MYRIP: variants seen among roughly 807,000 people sequenced by gnomAD.
The protein encoded by MYRIP is myosin VIIA and Rab interacting protein.
MYRIP carries 49 observed loss-of-function variants against 98.0 expected under a neutral mutation model. The ratio of observed to expected loss-of-function variants is 0.50; its 90% CI spans 0.40 to 0.63. MYRIP has a LOEUF of 0.63. Among genes scored for constraint, MYRIP ranks in the 30% least tolerant of loss-of-function variants. MYRIP has a pLI of 0.00. For missense variants in MYRIP, 1,004 were observed against 1,058.2 expected, an observed-to-expected ratio of 0.95 and a Z score of 0.71; for synonymous variants, 404 against 409.5, an observed-to-expected ratio of 0.99 and a Z score of 0.16.
At chr3:39,810,436 C>G (rs942622632) in intron 1 of MYRIP, 1 of 152,756 alleles carries the variant, frequency 6.5e-6, no homozygotes, top group Non-Finnish European at 1.5e-5. Flanking sequence ...GTCTGGCCCT[C>G]GCCCGCGGGC....
At chr3:40,113,884 T>A (rs1949214228) in intron 3 of MYRIP, among the ~76,000 whole-genome samples, 1 of 151,826 alleles carries the variant, frequency 6.6e-6, no homozygotes, top group Admixed American at 6.6e-5. Flanking sequence ...AGAGACAGGG[T>A]TTCACCATGT....
At chr3:40,023,875 G>C (rs968127695) in intron 2 of MYRIP, among the ~76,000 whole-genome samples, 1 of 152,178 alleles carries the variant, frequency 6.6e-6, no homozygotes, top group African/African-American at 2.4e-5. Context: ...ATAATATGTA[G>C]TGTGTGCCCA....
At chr3:40,012,367 G>A (rs977590598) in intron 2 of MYRIP, among the ~76,000 whole-genome samples, 2 of 152,194 alleles carry the variant, frequency 1.3e-5, no homozygotes, top group Middle Eastern at 3.2e-3. Flanking sequence ...AAATAGTTAA[G>A]TATATTAAAA....
chr3:40,182,770 CA>C (rs1684316001), intron 9 of MYRIP, among the ~76,000 whole-genome samples: 1 of 152,212 alleles, frequency 6.6e-6, no homozygotes, highest in Non-Finnish European at 1.5e-5. Flanking sequence ...ACCAACCTCT[CA>C]TGGCATTTCA....
chr3:40,203,480 A>G (rs1172301186), intron 10 of MYRIP, among the ~76,000 whole-genome samples: 3 of 151,526 alleles, frequency 2.0e-5, no homozygotes, highest in Admixed American at 6.6e-5. Context: ...TAGGTGATCA[A>G]TGAGATGAAA....
At chr3:39,844,813 C>T (rs1046428950) in intron 1 of MYRIP, among the ~76,000 whole-genome samples, 18 of 152,166 alleles carry the variant, frequency 1.2e-4, no homozygotes, top group Non-Finnish European at 1.8e-4. Context: ...AAAGGTCCAG[C>T]GTAGCATCTC....
intron 3 of MYRIP, among the ~76,000 whole-genome samples, chr3:40,130,421 A>T (rs1949612561): frequency 7.0e-6 from 1 of 141,870 alleles, no homozygotes; most frequent in African/African-American, 2.7e-5. Flanking sequence ...TCTGTGGCCC[A>T]GGCGGGAGTG....
intron 1 of MYRIP, among the ~76,000 whole-genome samples, chr3:39,857,802 T>G (rs1942350176): frequency 6.6e-6 from 1 of 152,146 alleles, no homozygotes. Context: ...AAAATTAAAT[T>G]GTTATAAGCT....
chr3:40,044,119 G>A lies in MYRIP; in HGVS notation c.180G>A (p.Val60=), dbSNP rs139564205. 50 of 1,614,032 alleles carry A rather than the reference G, an allele frequency of 3.1e-5. No homozygotes were observed. Among genetic ancestry groups the A allele is most frequent in the Non-Finnish European group, 4.1e-5 (48 of 1,180,042 alleles). ...CSILSKHQQF[V]EHCCMRCCSP... is the part of the protein sequence containing the mutation. ...TCCTCTCGAAGCACCAGCAGTTTGT[G>A]GAGCACTGCTGCATGCGCTGCTGCT... Residue 60 remains valine, a synonymous_variant, in exon 3 of 17, where the codon GTG becomes GTA. Transcript: ENST00000302541.
intron 4 of MYRIP, 85 bp from the exon 5 acceptor site, chr3:40,162,645 C>A: frequency 1.7e-6 from 2 of 1,196,572 alleles, no homozygotes; most frequent in East Asian, 2.3e-5. Context: ...TAGTGGTCTG[C>A]CAGTTCAGTG....
chr3:39,943,306 T>C (rs746982870), intron 2 of MYRIP, among the ~76,000 whole-genome samples: 3 of 152,178 alleles, frequency 2.0e-5, no homozygotes, highest in Non-Finnish European at 4.4e-5. Context: ...ATTATTAAAG[T>C]TTTATGATGA....
At chr3:40,210,718 ACTC>A (rs1951905560) in intron 11 of MYRIP, among the ~76,000 whole-genome samples, 1 of 151,584 alleles carries the variant, frequency 6.6e-6, no homozygotes, top group South Asian at 2.1e-4. Context: ...TCAGACCCAC[ACTC>A]CTCCTCCCCT....
chr3:39,940,599 T>C (rs1344165169), intron 2 of MYRIP, among the ~76,000 whole-genome samples: 1 of 152,146 alleles, frequency 6.6e-6, no homozygotes, highest in Non-Finnish European at 1.5e-5. Context: ...TCTTCACTTA[T>C]CTTAATGGAG....
intron 2 of MYRIP, among the ~76,000 whole-genome samples, chr3:39,931,290 A>G (rs76814985): frequency 6.6e-6 from 1 of 151,720 alleles, no homozygotes; most frequent in African/African-American, 2.4e-5. Context: ...TTTTCTTTCA[A>G]TAATATTGTA....
intron 2 of MYRIP, among the ~76,000 whole-genome samples, chr3:39,975,558 C>G (rs1356291256): frequency 6.6e-6 from 1 of 152,006 alleles, no homozygotes; most frequent in Non-Finnish European, 1.5e-5. Context: ...CTTTAAAGTT[C>G]ATATGGAACC....
chr3:39,927,719 C>T (rs1041308236), intron 2 of MYRIP, among the ~76,000 whole-genome samples: 1 of 151,990 alleles, frequency 6.6e-6, no homozygotes, highest in African/African-American at 2.4e-5. Context: ...GATACCAAAA[C>T]CTGGCAAAGA....
rs113376391 is a variant in MYRIP at position 39,883,934 on chromosome 3, A to G, written c.-30-16853A>G. Among the ~76,000 whole-genome samples, 11 of 152,238 alleles carry G rather than the reference A, an allele frequency of 7.2e-5. 1 individual carries two copies. Among genetic ancestry groups the G allele is most frequent in the African/African-American group, 2.4e-4 (10 of 41,556 alleles). On this transcript the variant is annotated intron_variant, in intron 1 of 16. Coordinates refer to ENST00000302541, the MANE Select transcript of MYRIP (RefSeq NM_015460.4). ...TTATTCGAAGACAAGGTACCTGAGA[A>G]TTTTCCAAAGCTGATGAAAGTTTAT...
In MYRIP at chr3:39,954,186, G is replaced by A. The variant is rs186966206; in HGVS notation, c.110+53260G>A. On this transcript the variant is annotated intron_variant, in intron 2 of 16. Transcript: ENST00000302541. ...GTGGTTCTCCCAGCATGGAGTTTGA[G>A]ATCTGAGAACGGATAGACTGCCTCC... Among the ~76,000 whole-genome samples the A allele has an allele frequency of 1.4e-3, 211 of 152,294 alleles. 1 individual carries two copies. The highest frequency in any genetic ancestry group is 2.4e-3 in the Non-Finnish European group (162 of 68,024).
intron 2 of MYRIP, among the ~76,000 whole-genome samples, chr3:40,018,366 A>G (rs941655890): frequency 6.6e-6 from 1 of 152,148 alleles, no homozygotes; most frequent in Non-Finnish European, 1.5e-5. Context: ...CCAGAGCTCT[A>G]TCCAGTCTGC....
Sources: gnomAD v4.1 joint callset for allele counts (sites outside exome capture counted in the v4.1 genomes callset) on GRCh38, gnomAD v4.1.1 for gene constraint, MANE v1.5 for transcripts, NCBI Gene and HGNC (gene_info 2026-07-23, HGNC 2026-07-21) for gene names.